Variants in TTN observed in about 807,000 individuals in gnomAD.
TTN encodes titin, also known as connectin.
TTN carries 1,525 observed loss-of-function variants against 3,223.0 expected under a neutral mutation model. That is an observed-to-expected ratio of 0.47 (90% CI 0.45 to 0.49). The LOEUF (loss-of-function observed/expected upper bound fraction) is 0.49. Among genes scored for constraint, TTN ranks in the 20% least tolerant of loss-of-function variants. The pLI, the probability that TTN is intolerant of heterozygous loss-of-function variation, is 0.00. For synonymous variants in TTN, 14,094 were observed against 15,161.0 expected, an observed-to-expected ratio of 0.93 and a Z score of 5.17; for missense variants, 40,786 against 43,424.0, an observed-to-expected ratio of 0.94 and a Z score of 5.40.
At chr2:178,785,124 T>A (rs1162995086) in intron 15 of TTN, among the ~76,000 whole-genome samples, 1 of 152,182 alleles carries the variant, frequency 6.6e-6, no homozygotes, top group Admixed American at 6.5e-5. Flanking sequence ...CCAGAGCTAT[T>A]TGATTCCACA....
rs759964251 is a variant in TTN at position 178,712,125 on chromosome 2, C to T, written c.27705G>A (p.Gly9235=). The T allele has an allele frequency of 6.2e-7, 1 of 1,613,638 alleles. No homozygotes were observed. Among genetic ancestry groups the T allele is most frequent in the Non-Finnish European group, 8.5e-7 (1 of 1,179,768 alleles). The change falls in exon 96 of 363, where the codon GGG becomes GGA. Residue 9235 remains glycine, a synonymous_variant. Transcript: ENST00000589042. ...QCQLAGTPEI[G]VSWYKGDTKL... The stretch of plus-strand genomic sequence containing the variant: ...TTGTATCTCCTTTATACCAGGATAC[C>T]CCAATTTCAGGGGTTCCAGCAAGCT...
chr2:178,750,682 T>C, intron 47 of TTN: 1 of 1,612,638 alleles, frequency 6.2e-7, no homozygotes, highest in Non-Finnish European at 8.5e-7. Flanking sequence ...GTTGTAATTC[T>C]CTCAAATCAT....
In TTN at chr2:178,568,157, C is replaced by CCTGGTT. The variant is rs1706655943; in HGVS notation, c.77969_77974dup (p.Glu25990_Pro25991dup). ...TGTGGCAAATGGTGTACCTGGAGGG[C>CCTGGTT]CTGGTTCTTTGTAGGGATATTGAGC... On this transcript the variant is annotated inframe_insertion, in exon 326 of 363. Coordinates refer to ENST00000589042, the MANE Select transcript of TTN (RefSeq NM_001267550.2). 1.2e-6 allele frequency: 2 copies of CCTGGTT among 1,613,354 alleles called. No individual in the cohort carries two copies. The highest frequency in any genetic ancestry group is 1.7e-6 in the Non-Finnish European group (2 of 1,179,602).
chr2:178,748,111 G>C, intron 47 of TTN: 1 of 1,613,172 alleles, frequency 6.2e-7, no homozygotes, highest in Non-Finnish European at 8.5e-7. Flanking sequence ...TCAAATGTGA[G>C]ATGGAACTTC....
At position 178,549,394 on chromosome 2, in the gene TTN, T is replaced by C. The variant is rs1395558232; in HGVS notation, c.92232A>G (p.Glu30744=). The C allele has an allele frequency of 1.9e-6, 3 of 1,613,836 alleles. No homozygotes were observed. Among genetic ancestry groups the C allele is most frequent in the Non-Finnish European group, 2.5e-6 (3 of 1,179,782 alleles). The change falls in exon 339 of 363, where the codon GAA becomes GAG. Residue 30744 remains glutamate, a synonymous_variant. Transcript: ENST00000589042. ...GTTGAATTTCACTGCCACCATCTGA[T>C]TCTGGCCTTGCCCATGTCAGGGTAA... ...NSITLTWARP[E]SDGGSEIQQY...
Position 178,767,752 on chromosome 2 carries a change from A to G in TTN, c.9471+7T>C. The stretch of plus-strand genomic sequence containing the variant: ...ATTTTTCAAAACATTTAGTATGTAG[A>G]CAATACCTGAACCTCCTTTTTAATA... On this transcript the variant is annotated splice_region_variant and intron_variant, in intron 40 of 362. Transcript: ENST00000589042. 1 of 1,613,790 alleles carries G rather than the reference A, an allele frequency of 6.2e-7. No individual in the cohort carries two copies. Among genetic ancestry groups the G allele is most frequent in the Non-Finnish European group, 8.5e-7 (1 of 1,179,986 alleles).
In TTN at chr2:178,608,869, A is replaced by G. The variant is rs775637498; in HGVS notation, c.52142T>C (p.Ile17381Thr). 12 of 1,611,236 alleles carry G rather than the reference A, an allele frequency of 7.4e-6. No individual in the cohort carries two copies. Among genetic ancestry groups the G allele is most frequent in the African/African-American group, 1.3e-5 (1 of 74,788 alleles). The change falls in exon 274 of 363, where the codon ATC becomes ACC. Residue 17381 changes from isoleucine (I) to threonine (T), a missense_variant. Ile to Thr is a moderately conservative substitution (Grantham distance 89). Coordinates refer to ENST00000589042, the MANE Select transcript of TTN (RefSeq NM_001267550.2). ...GPPINFVFED[I>T]RKTSVLCKWE... ...TTTACAAAGGACTGAGGTCTTTCTG[A>G]TATCTTCAAATACAAAGTTGATTGG...
rs906057944 is a variant in TTN, at chr2:178,647,273, A to G, written c.40141+108T>C. The G allele has an allele frequency of 2.8e-5, 38 of 1,340,112 alleles. 1 individual carries two copies. Among genetic ancestry groups the G allele is most frequent in the Non-Finnish European group, 3.6e-5 (35 of 976,820 alleles). The allele number at this position is 1,340,112 out of a possible 1,614,324, so 83.0% of individuals were successfully genotyped here. Reference sequence around the variant, plus strand: ...AGATTATTCAGATGACCCCCCAAATATCAATAACTTCAATACAGACAGACA... The same window carrying G: ...AGATTATTCAGATGACCCCCCAAATGTCAATAACTTCAATACAGACAGACA... On this transcript the variant is annotated intron_variant, in intron 214 of 362. Coordinates refer to ENST00000589042, the MANE Select transcript of TTN (RefSeq NM_001267550.2).
intron 163 of TTN, among the ~76,000 whole-genome samples, chr2:178,666,490 GAT>G (rs1238694839): frequency 1.3e-5 from 2 of 152,094 alleles, no homozygotes; most frequent in African/African-American, 4.8e-5. Context: ...ATCTTGTAGA[GAT>G]ATTACAGATC....
Position 178,730,763 on chromosome 2 carries a change from T to C in TTN, c.17770A>G (p.Lys5924Glu). 6.2e-7 allele frequency: 1 copy of C among 1,605,840 alleles called. No homozygotes were observed. The highest frequency in any genetic ancestry group is 8.5e-7 in the Non-Finnish European group (1 of 1,174,250). ...TTAATGCTGTCCATTTTCTTCAGCT[T>C]TTTGGTGAATGAAGGAGGTATGATA... Reference protein sequence around the residue: ...DLIIPPSFTKKLKKMDSIKGS... With the variant: ...DLIIPPSFTKELKKMDSIKGS... Residue 5924 changes from lysine to glutamate, a missense_variant, in exon 61 of 363, where the codon AAG (lysine) becomes GAG (glutamate). Physicochemically the swap from Lys to Glu is moderately conservative, Grantham distance 56. Coordinates refer to ENST00000589042, the MANE Select transcript of TTN (RefSeq NM_001267550.2).
chr2:178,677,296 C>G lies in TTN; in HGVS notation c.34292-9G>C. 8.6e-7 allele frequency: 1 copy of G among 1,158,366 alleles called. No individual in the cohort carries two copies. Among genetic ancestry groups the G allele is most frequent in the East Asian group, 4.3e-5 (1 of 23,256 alleles). The allele number at this position is 1,158,366 out of a possible 1,614,324, so 71.8% of individuals were successfully genotyped here. ...CTTTGGCACTTCAGGCACTTAAAAA[C>G]ATTTCATTTGAAGGCATTAAAAACC... is the stretch of plus-strand genomic sequence containing the variant. On this transcript the variant is annotated splice_polypyrimidine_tract_variant and intron_variant, in intron 146 of 362. Coordinates refer to ENST00000589042, the MANE Select transcript of TTN (RefSeq NM_001267550.2).
At position 178,573,878 on chromosome 2, in the gene TTN, G is replaced by T. The variant is rs1317961442; in HGVS notation, c.72254C>A (p.Thr24085Asn). 6.2e-7 allele frequency: 1 copy of T among 1,611,322 alleles called. No individual in the cohort carries two copies. Among genetic ancestry groups the T allele is most frequent in the Non-Finnish European group, 8.5e-7 (1 of 1,178,052 alleles). ...TGTTGAATCTTTGTTTACCAGATTA[G>T]TAGAGAAATCTGCAATTTTTATTTC... ...KLEIKIADFSTNLVNKDSTRR... is the reference protein window; with the variant it reads ...KLEIKIADFSNNLVNKDSTRR... Residue 24085 changes from threonine to asparagine, a missense_variant, in exon 326 of 363, where the codon ACT becomes AAT. Physicochemically the swap from Thr to Asn is moderately conservative, Grantham distance 65. Coordinates refer to ENST00000589042, the MANE Select transcript of TTN (RefSeq NM_001267550.2).
Position 178,533,803 on chromosome 2 carries a change from A to G in TTN, c.102812T>C (p.Val34271Ala). Residue 34271 changes from valine (V) to alanine (A), a missense_variant, in exon 358 of 363, where the codon GTA becomes GCA. By Grantham distance (64) the Val-to-Ala change is moderately conservative (BLOSUM62 0). Coordinates refer to ENST00000589042, the MANE Select transcript of TTN (RefSeq NM_001267550.2). ...TACTCCAAACCGGACATTTTCACCT[A>G]CATAAGCTGTCTTATTATAGAGAGG... Reference protein sequence around the residue: ...TLPLYNKTAYVGENVRFGVTI... With the variant: ...TLPLYNKTAYAGENVRFGVTI... 1 of 1,613,960 alleles carries G rather than the reference A, an allele frequency of 6.2e-7. No homozygotes were observed. Among genetic ancestry groups the G allele is most frequent in the South Asian group, 1.1e-5 (1 of 91,088 alleles).
chr2:178,718,937 T>C lies in TTN; in HGVS notation c.24263A>G (p.Glu8088Gly). 1 of 1,611,192 alleles carries C rather than the reference T, an allele frequency of 6.2e-7. No individual in the cohort carries two copies. The highest frequency in any genetic ancestry group is 8.5e-7 in the Non-Finnish European group (1 of 1,178,592). ...PSFEQTPDSV[E>G]VLPGMSLTFT... ...TGTGAGGCTCATTCCAGGCAAAACT[T>C]CCACAGAATCAGGGGTTTGTTCAAA... Residue 8088 changes from glutamate to glycine, a missense_variant, in exon 84 of 363, where the codon GAA (glutamate) becomes GGA (glycine). Transcript: ENST00000589042.
At chr2:178,629,963 A>G (rs1342505124) in intron 239 of TTN, among the ~76,000 whole-genome samples, 1 of 152,042 alleles carries the variant, frequency 6.6e-6, no homozygotes, top group African/African-American at 2.4e-5. Context: ...TTAGATTCTC[A>G]TTGTATGTGT....
In TTN at chr2:178,739,951, C is replaced by T. The variant is rs528766978; in HGVS notation, c.13282G>A (p.Glu4428Lys). 26 of 1,613,752 alleles carry T rather than the reference C, an allele frequency of 1.6e-5. No homozygotes were observed. Among genetic ancestry groups the T allele is most frequent in the African/African-American group, 9.3e-5 (7 of 75,016 alleles). The change falls in exon 48 of 363, where the codon GAG becomes AAG. Residue 4428 changes from glutamate to lysine, a missense_variant. By Grantham distance (56) the Glu-to-Lys change is moderately conservative. Transcript: ENST00000589042. Reference protein sequence around the residue: ...WLRNIEKVEVEAVNITQEPRH... With the variant: ...WLRNIEKVEVKAVNITQEPRH... ...GGCTCTTGGGTGATGTTTACAGCCT[C>T]GACCTCCACCTTTTCAATATTTCTT...
chr2:178,562,097 G>A lies in TTN; in HGVS notation c.84035C>T (p.Ser28012Phe). Residue 28012 changes from serine (S) to phenylalanine (F), a missense_variant, in exon 326 of 363, where the codon TCT becomes TTT. Transcript: ENST00000589042. ...TAGTGATGTTACAGTCTTTGAAGAA[G>A]AAACATTGACTCTAGTTGTCTCTTT... ...TLKETTRVNV[S>F]SSKTVTSLSI... 1 of 1,613,318 alleles carries A rather than the reference G, an allele frequency of 6.2e-7. No individual in the cohort carries two copies. Among genetic ancestry groups the A allele is most frequent in the Non-Finnish European group, 8.5e-7 (1 of 1,179,598 alleles).
In TTN at chr2:178,711,983, C is replaced by T. The variant is rs727504515; in HGVS notation, c.27847G>A (p.Val9283Met). 134 of 1,608,948 alleles carry T rather than the reference C, an allele frequency of 8.3e-5. 1 individual carries two copies. The highest frequency in any genetic ancestry group is 8.0e-4 in the South Asian group (72 of 90,350). ...AAAGTTGATGCAGAAACTTCTCCCA[C>T]GCTGTTTTCAGCTTTGCAGATATAT... Reference protein sequence around the residue: ...GEYICKAENSVGEVSASTFLT... With the variant: ...GEYICKAENSMGEVSASTFLT... The change falls in exon 96 of 363, where the codon GTG (valine) becomes ATG (methionine). Residue 9283 changes from valine to methionine, a missense_variant. Physicochemically the swap from Val to Met is conservative, Grantham distance 21. Transcript: ENST00000589042.
At chr2:178,582,695 A>G (rs904512138) in intron 313 of TTN, 103 bp from the exon 314 acceptor site, 1 of 1,196,958 alleles carries the variant, frequency 8.4e-7, no homozygotes, top group African/African-American at 1.5e-5. Context: ...AATTTCCTAT[A>G]TGACCTAGGA....
Sources: gnomAD v4.1 joint callset for allele counts (sites outside exome capture counted in the v4.1 genomes callset) on GRCh38, gnomAD v4.1.1 for gene constraint, MANE v1.5 for transcripts, NCBI Gene and HGNC (gene_info 2026-07-23, HGNC 2026-07-21) for gene names.